Variants in PPP3CA observed in about 807,000 individuals in gnomAD.
PPP3CA encodes protein phosphatase 3 catalytic subunit alpha, also known as CAM-PRP catalytic subunit.
Under a neutral mutation model 66.5 loss-of-function variants are expected in PPP3CA, and 14 were observed. That is an observed-to-expected ratio of 0.21 (90% CI 0.14 to 0.33). PPP3CA has a LOEUF of 0.33. Among genes scored for constraint, PPP3CA ranks in the 10% least tolerant of loss-of-function variants. The probability of loss-of-function intolerance (pLI) is 1.00; values close to 1 mark genes in which losing one functional copy is unlikely to be tolerated. For synonymous variants in PPP3CA, 232 were observed against 226.2 expected (o/e 1.03, Z -0.23); for missense variants, 317 against 639.5 (o/e 0.50, Z 5.44).
chr4:101,217,691 A>C (rs185647903), intron 1 of PPP3CA, among the ~76,000 whole-genome samples: 468 of 152,212 alleles, frequency 3.1e-3, no homozygotes, highest in Non-Finnish European at 4.9e-3. Flanking sequence ...TCACATATTT[A>C]TCTCTCATAT....
chr4:101,281,299 G>A (rs1018088613), intron 1 of PPP3CA, among the ~76,000 whole-genome samples: 1 of 152,182 alleles, frequency 6.6e-6, no homozygotes, highest in African/African-American at 2.4e-5. Context: ...AGCAGTAGCT[G>A]GATAAGAACA....
At chr4:101,192,503 C>G (rs1225245236) in intron 2 of PPP3CA, among the ~76,000 whole-genome samples, 1 of 152,098 alleles carries the variant, frequency 6.6e-6, no homozygotes, top group Admixed American at 6.6e-5. Context: ...CAGCCTCAGT[C>G]TCATCCTCCC....
chr4:101,033,293 A>AACACACAC (rs70961772), intron 11 of PPP3CA, among the ~76,000 whole-genome samples: 6 of 139,270 alleles, frequency 4.3e-5, no homozygotes, highest in Non-Finnish European at 6.3e-5. Flanking sequence ...CACACACACA[A>AACACACAC]ACACACACAC....
chr4:101,226,202 C>A (rs1725777348), intron 1 of PPP3CA, among the ~76,000 whole-genome samples: 1 of 151,702 alleles, frequency 6.6e-6, no homozygotes, highest in Non-Finnish European at 1.5e-5. Flanking sequence ...ATTCAGGACT[C>A]CAGGCTTCTT....
chr4:101,118,524 AT>A (rs1169348743), intron 2 of PPP3CA, among the ~76,000 whole-genome samples: 1 of 151,380 alleles, frequency 6.6e-6, no homozygotes, highest in Admixed American at 6.6e-5. Context: ...CTTCACTCAG[AT>A]TTTTTTTGGA....
chr4:101,208,704 T>C (rs1275152547), intron 1 of PPP3CA, among the ~76,000 whole-genome samples: 1 of 152,204 alleles, frequency 6.6e-6, no homozygotes, highest in Non-Finnish European at 1.5e-5. Flanking sequence ...AAAAGATACA[T>C]GTCTTATGTG....
intron 1 of PPP3CA, among the ~76,000 whole-genome samples, chr4:101,291,971 T>C (rs571519285): frequency 6.6e-6 from 1 of 151,828 alleles, no homozygotes; most frequent in East Asian, 1.9e-4. Context: ...TTTACAAAAA[T>C]AAAAAATTAA....
chr4:101,113,951 C>T (rs73833217), intron 2 of PPP3CA, among the ~76,000 whole-genome samples: 6,429 of 152,158 alleles, frequency 0.042, 433 homozygotes, highest in African/African-American at 0.14. Context: ...TTGGCCTTGA[C>T]AGCACTTCTT....
chr4:101,063,125 T>C, intron 9 of PPP3CA, 107 bp downstream of exon 9: 1 of 1,349,192 alleles, frequency 7.4e-7, no homozygotes, highest in Non-Finnish European at 1.0e-6. Context: ...GTACAACTTG[T>C]GAATTTTATT....
In PPP3CA at chr4:101,317,872, C is replaced by A. The variant is rs530579732; in HGVS notation, c.58+28867G>T. On this transcript the variant is annotated intron_variant, in intron 1 of 13. Coordinates refer to ENST00000394854, the MANE Select transcript of PPP3CA (RefSeq NM_000944.5). ...TGTGCAATCATGGGCAAGCTGCGCACTGTGACTCAAGTCCCTTCTTCTGTA... is the reference window on the plus strand; with the variant it reads ...TGTGCAATCATGGGCAAGCTGCGCAATGTGACTCAAGTCCCTTCTTCTGTA... Among the ~76,000 whole-genome samples the A allele has an allele frequency of 5.3e-5, 8 of 152,304 alleles. No individual in the cohort carries two copies. The Middle Eastern group carries it at 0.01, about 194-fold the overall frequency.
At chr4:101,159,854 AGATACCT>A (rs1248064734) in intron 2 of PPP3CA, among the ~76,000 whole-genome samples, 5 of 152,228 alleles carry the variant, frequency 3.3e-5, no homozygotes, top group Admixed American at 6.5e-5. Context: ...TGCTTGCTTC[AGATACCT>A]GAAATACATA....
rs1429314830 is a variant in PPP3CA, at chr4:101,124,775, G to GAA, written c.260-15699_260-15698dup. Among the ~76,000 whole-genome samples the GAA allele has an allele frequency of 4.1e-4, 53 of 129,890 alleles. 4 individuals are homozygous for GAA. Among genetic ancestry groups the GAA allele is most frequent in the African/African-American group, 1.6e-3 (50 of 30,380 alleles). 85.2% of individuals were successfully genotyped at this position (129,890 alleles called of 152,430 possible). On this transcript the variant is annotated intron_variant, in intron 2 of 13. Transcript: ENST00000394854. ...AGAAAGAAAGAAAGAAAGAAAGAAA[G>GAA]AAAGAAAGAAAGAAAGAAAGAAAGA...
At chr4:101,319,481 C>A (rs1728975648) in intron 1 of PPP3CA, among the ~76,000 whole-genome samples, 1 of 151,786 alleles carries the variant, frequency 6.6e-6, no homozygotes, top group Admixed American at 6.6e-5. Flanking sequence ...TCAAGAGTAC[C>A]CAAAACTTTC....
At chr4:101,170,481 A>G (rs1723841250) in intron 2 of PPP3CA, among the ~76,000 whole-genome samples, 1 of 152,170 alleles carries the variant, frequency 6.6e-6, no homozygotes, top group Non-Finnish European at 1.5e-5. Context: ...TTTGCATGTT[A>G]CTACAAATAA....
At chr4:101,311,166 A>C (rs754906449) in intron 1 of PPP3CA, among the ~76,000 whole-genome samples, 81 of 152,256 alleles carry the variant, frequency 5.3e-4, no homozygotes, top group Middle Eastern at 3.2e-3. Flanking sequence ...AAAGTTATGT[A>C]AACACAATGC....
chr4:101,023,540 A>C lies in PPP3CA; in HGVS notation c.*2325T>G, dbSNP rs1726479419. 6.6e-6 allele frequency: 1 copy of C among 152,314 alleles called. No individual in the cohort carries two copies. The highest frequency in any genetic ancestry group is 1.5e-5 in the Non-Finnish European group (1 of 68,022). 9.4% of individuals were successfully genotyped at this position (152,314 alleles called of 1,614,324 possible). On this transcript the variant is annotated 3_prime_UTR_variant, in exon 14 of 14. Coordinates refer to ENST00000394854, the MANE Select transcript of PPP3CA (RefSeq NM_000944.5). ...TTTTTAGTCAGGATATTTTCTCTGC[A>C]GTTATAAGAAAGAAAATAAACACCA...
At chr4:101,195,267 CAA>C (rs11326830) in intron 2 of PPP3CA, among the ~76,000 whole-genome samples, 193 of 127,982 alleles carry the variant, frequency 1.5e-3, no homozygotes, top group Middle Eastern at 3.8e-3. Context: ...AACTTCATCT[CAA>C]AAAAAAAAAA....
At chr4:101,124,728 A>AG (rs1722169381) in intron 2 of PPP3CA, among the ~76,000 whole-genome samples, 7 of 52,110 alleles carry the variant, frequency 1.3e-4, no homozygotes, top group Admixed American at 9.5e-4. Flanking sequence ...AAAGAAAGAG[A>AG]AAGAAAGAAA....
chr4:101,055,408 T>C (rs1728184613), intron 10 of PPP3CA, among the ~76,000 whole-genome samples: 1 of 152,124 alleles, frequency 6.6e-6, no homozygotes, highest in African/African-American at 2.4e-5. Context: ...CAGACTATCA[T>C]TTTAACATTC....
Sources: allele counts gnomAD v4.1 joint callset (sites outside exome capture counted in the v4.1 genomes callset), GRCh38; gene constraint gnomAD v4.1.1; transcripts MANE v1.5; gene names NCBI Gene and HGNC (gene_info 2026-07-23, HGNC 2026-07-21).